The following DYTN variants were observed in gnomAD, a reference collection of about 807,000 sequenced individuals.
DYTN encodes dystrotelin.
In DYTN, 75 loss-of-function variants were observed where a neutral mutation model predicts 69.6. That is an observed-to-expected ratio of 1.08 (90% CI 0.89 to 1.31). DYTN has a LOEUF of 1.31. Ranked by LOEUF, DYTN falls within the 50% of genes most tolerant of loss-of-function variation. DYTN has a pLI of 0.00. For synonymous variants in DYTN, 252 were observed against 249.1 expected (o/e 1.01, Z -0.11); for missense variants, 726 against 688.4 (o/e 1.05, Z -0.61).
In DYTN at chr2:206,707,363, C is replaced by G; in HGVS notation, c.235G>C (p.Gly79Arg). 6.2e-7 allele frequency: 1 copy of G among 1,612,832 alleles called. No individual in the cohort carries two copies. Among genetic ancestry groups the G allele is most frequent in the Non-Finnish European group, 8.5e-7 (1 of 1,179,566 alleles). ...TCCGGAGCTCTGGGATGCACTTGTC[C>G]TGGGTTTTCCTCCCTGGCCTTCTGA... Reference protein sequence around the residue: ...LFQKAREENPGQVHPRAPELT... With the variant: ...LFQKAREENPRQVHPRAPELT... Residue 79 changes from glycine to arginine, a missense_variant, in exon 3 of 12, where the codon GGA (glycine) becomes CGA (arginine). Coordinates refer to ENST00000452335, the MANE Select transcript of DYTN (RefSeq NM_001093730.1).
chr2:206,665,986 C>T lies in DYTN; in HGVS notation c.1024G>A (p.Ala342Thr). 2 of 1,613,870 alleles carry T rather than the reference C, an allele frequency of 1.2e-6. No homozygotes were observed. The highest frequency in any genetic ancestry group is 2.2e-5 in the South Asian group (2 of 91,078). Residue 342 changes from alanine to threonine, a missense_variant, in exon 10 of 12, where the codon GCT becomes ACT. By Grantham distance (58) the Ala-to-Thr change is moderately conservative (BLOSUM62 0). Transcript: ENST00000452335. Reference sequence around the variant, plus strand: ...CTTTCTTCCTGGGAGGTGTATATAGCTTGCAACTTGTCTTTGTATTGGTTT... The same window carrying T: ...CTTTCTTCCTGGGAGGTGTATATAGTTTGCAACTTGTCTTTGTATTGGTTT... ...QLNQYKDKLQ[A>T]IYTSQEERIC...
At chr2:206,651,981 T>C in intron 11 of DYTN, 60 bp from the exon 12 acceptor site, 4 of 1,482,060 alleles carry the variant, frequency 2.7e-6, no homozygotes, top group Non-Finnish European at 3.7e-6. Context: ...CTCATGAAGA[T>C]ATTGATAAAG....
intron 9 of DYTN, among the ~76,000 whole-genome samples, chr2:206,670,154 T>C (rs1699615103): frequency 6.6e-6 from 1 of 152,246 alleles, no homozygotes; most frequent in Non-Finnish European, 1.5e-5. Flanking sequence ...AAGTACTGAT[T>C]TCTTTAGAAG....
intron 11 of DYTN, 114 bp downstream of exon 11, chr2:206,662,789 G>A: frequency 1.4e-6 from 2 of 1,435,810 alleles, no homozygotes; most frequent in Non-Finnish European, 1.9e-6. Context: ...TAGATTCAGA[G>A]CACTGCTACA....
intron 5 of DYTN, among the ~76,000 whole-genome samples, chr2:206,703,694 T>C (rs998124978): frequency 1.3e-5 from 2 of 152,222 alleles, no homozygotes; most frequent in African/African-American, 4.8e-5. Flanking sequence ...ATTTTTATTA[T>C]CTTCCTCCTT....
intron 9 of DYTN, among the ~76,000 whole-genome samples, chr2:206,669,608 A>G (rs1699609549): frequency 6.6e-6 from 1 of 152,214 alleles, no homozygotes; most frequent in Non-Finnish European, 1.5e-5. Context: ...AAAATGATTC[A>G]TTTTAAATAA....
intron 9 of DYTN, among the ~76,000 whole-genome samples, chr2:206,687,753 G>A (rs75054043): frequency 0.027 from 4,128 of 152,098 alleles, 82 homozygotes; most frequent in Middle Eastern, 0.055. Context: ...TCCATGAATT[G>A]AAATATCACC....
At chr2:206,687,584 T>C (rs770426599) in intron 9 of DYTN, among the ~76,000 whole-genome samples, 5 of 152,198 alleles carry the variant, frequency 3.3e-5, no homozygotes, top group African/African-American at 7.2e-5. Context: ...TCATGATTTT[T>C]TGTTTTTCTT....
intron 9 of DYTN, among the ~76,000 whole-genome samples, chr2:206,676,376 A>G (rs913975997): frequency 6.6e-6 from 1 of 152,142 alleles, no homozygotes; most frequent in African/African-American, 2.4e-5. Flanking sequence ...GGAGCTGAAC[A>G]ATGAGAACAC....
intron 2 of DYTN, 52 bp downstream of exon 2, chr2:206,710,472 T>C: frequency 6.6e-7 from 1 of 1,525,696 alleles, no homozygotes; most frequent in Non-Finnish European, 9.0e-7. Flanking sequence ...GAATTTTACA[T>C]CGCACATCAA....
intron 9 of DYTN, among the ~76,000 whole-genome samples, chr2:206,673,802 T>G (rs1016871450): frequency 6.6e-6 from 1 of 152,236 alleles, no homozygotes; most frequent in African/African-American, 2.4e-5. Flanking sequence ...TGGTTGCATA[T>G]CAGAGGTGGC....
chr2:206,651,774 C>T lies in DYTN; in HGVS notation c.*44G>A. 1 of 1,524,530 alleles carries T rather than the reference C, an allele frequency of 6.6e-7. No individual in the cohort carries two copies. Among genetic ancestry groups the T allele is most frequent in the Non-Finnish European group, 9.1e-7 (1 of 1,101,004 alleles). The allele number at this position is 1,524,530 out of a possible 1,614,324, so 94.4% of individuals were successfully genotyped here. A position where few individuals can be genotyped will look rare whatever the true frequency, so the allele number is the denominator to read the frequency against. On this transcript the variant is annotated 3_prime_UTR_variant, in exon 12 of 12. Transcript: ENST00000452335. Reference sequence around the variant, plus strand: ...TTCTTTTAATACAGTTGTGCAACTGCATTTTGTCATCACACCAAGAGGCCT... The same window carrying T: ...TTCTTTTAATACAGTTGTGCAACTGTATTTTGTCATCACACCAAGAGGCCT...
At chr2:206,679,952 C>A (rs1248276088) in intron 9 of DYTN, among the ~76,000 whole-genome samples, 1 of 152,148 alleles carries the variant, frequency 6.6e-6, no homozygotes, top group Non-Finnish European at 1.5e-5. Flanking sequence ...GATGCTATAA[C>A]AAACAGACTG....
chr2:206,668,182 T>G (rs1452234521), intron 9 of DYTN, among the ~76,000 whole-genome samples: 1 of 152,330 alleles, frequency 6.6e-6, no homozygotes, highest in Middle Eastern at 3.4e-3. Context: ...ACCCAAAGTG[T>G]TGTGCTTGTT....
intron 7 of DYTN, among the ~76,000 whole-genome samples, chr2:206,699,141 G>A (rs1699950297): frequency 6.6e-6 from 1 of 152,162 alleles, no homozygotes; most frequent in African/African-American, 2.4e-5. Flanking sequence ...GGTTTCTTTG[G>A]AGCAAAAGAC....
chr2:206,651,812 T>TCC lies in DYTN; in HGVS notation c.*4_*5dup, dbSNP rs1464044289. The TCC allele has an allele frequency of 8.7e-6, 14 of 1,613,240 alleles. No homozygotes were observed. Among genetic ancestry groups the TCC allele is most frequent in the Non-Finnish European group, 1.1e-5 (13 of 1,179,326 alleles). ...CACCAAGAGGCCTTTGAGCCTGGACTCCATTTCACTTCAAATTGGGCAAGG... is the reference window on the plus strand; with the variant it reads ...CACCAAGAGGCCTTTGAGCCTGGACTCCCCATTTCACTTCAAATTGGGCAAGG... On this transcript the variant is annotated 3_prime_UTR_variant, in exon 12 of 12. Coordinates refer to ENST00000452335, the MANE Select transcript of DYTN (RefSeq NM_001093730.1).
intron 7 of DYTN, among the ~76,000 whole-genome samples, chr2:206,697,721 C>T (rs1032515275): frequency 6.6e-6 from 1 of 152,198 alleles, no homozygotes; most frequent in Non-Finnish European, 1.5e-5. Context: ...GGTCTCCTAG[C>T]TCTTTGTATA....
intron 9 of DYTN, 79 bp downstream of exon 9, chr2:206,693,096 G>C (rs1160981383): frequency 7.4e-6 from 11 of 1,482,294 alleles, no homozygotes; most frequent in Non-Finnish European, 8.0e-6. Context: ...GCATTAGAAA[G>C]ATTGCTGGCC....
chr2:206,714,954 T>C (rs1270349028), intron 1 of DYTN, among the ~76,000 whole-genome samples: 1 of 152,146 alleles, frequency 6.6e-6, no homozygotes, highest in African/African-American at 2.4e-5. Context: ...CTTTTTTTTT[T>C]TTTCTCGTCT....
Sources: gnomAD v4.1 joint callset for allele counts (sites outside exome capture counted in the v4.1 genomes callset) on GRCh38, gnomAD v4.1.1 for gene constraint, MANE v1.5 for transcripts, NCBI Gene and HGNC (gene_info 2026-07-23, HGNC 2026-07-21) for gene names.